Variants in MCM5 observed in about 807,000 individuals in gnomAD.
The protein encoded by MCM5 is minichromosome maintenance complex component 5.
A neutral mutation model predicts 79.9 loss-of-function variants in MCM5; 46 were observed. The observed-to-expected ratio is 0.58, with a 90% CI of 0.45 to 0.74. The LOEUF is 0.74. Ranked by LOEUF, MCM5 falls within the 30% of genes least tolerant of loss-of-function variation. MCM5 has a pLI of 0.00. For synonymous variants in MCM5, 404 were observed against 390.5 expected (o/e 1.03, Z -0.41); for missense variants, 883 against 1,017.0 (o/e 0.87, Z 1.79).
At chr22:35,426,813 C>T (rs1445931401), downstream of MCM5, among the ~76,000 whole-genome samples, 1 of 152,222 alleles carries the variant, frequency 6.6e-6, no homozygotes, top group African/African-American at 2.4e-5. Flanking sequence ...GAGCAGAGGC[C>T]GAGCCTCTGC....
downstream of MCM5, among the ~76,000 whole-genome samples, chr22:35,427,247 G>T (rs1219492538): frequency 6.6e-6 from 1 of 152,120 alleles, no homozygotes; most frequent in East Asian, 1.9e-4. Flanking sequence ...TCCAATTTAG[G>T]TTTCTCTTTA....
At chr22:35,403,139 C>A in intron 2 of MCM5, 68 bp from the exon 3 acceptor site, 1 of 1,586,892 alleles carries the variant, frequency 6.3e-7, no homozygotes, top group South Asian at 1.1e-5. Context: ...TGCAGGCACA[C>A]CTCAGCCAGT....
downstream of MCM5, among the ~76,000 whole-genome samples, chr22:35,427,191 A>C (rs1932783884): frequency 1.3e-5 from 2 of 152,246 alleles, no homozygotes; most frequent in South Asian, 4.1e-4. Flanking sequence ...GTCACAGAGC[A>C]CAGGGACTTA....
At chr22:35,445,479 C>G in the MCM5 span, among the ~76,000 whole-genome samples, 3 of 150,046 alleles carry the variant, frequency 2.0e-5, no homozygotes, top group Non-Finnish European at 4.4e-5. Flanking sequence ...TAGGCATGCA[C>G]CACCACACCC....
intron 2 of MCM5, among the ~76,000 whole-genome samples, chr22:35,402,540 G>A (rs923987044): frequency 1.3e-5 from 2 of 151,476 alleles, no homozygotes; most frequent in Non-Finnish European, 2.9e-5. Context: ...CTCCATGTTG[G>A]TGAGGCTGGT....
At chr22:35,439,213 A>G in the MCM5 span, among the ~76,000 whole-genome samples, 1 of 151,634 alleles carries the variant, frequency 6.6e-6, no homozygotes, top group Non-Finnish European at 1.5e-5. Context: ...CCATCCATTC[A>G]TCCATCCATC....
Position 35,423,197 on chromosome 22 carries a change from C to G in MCM5, c.1976-17C>G, listed in dbSNP as rs1273944171. On this transcript the variant is annotated splice_polypyrimidine_tract_variant and intron_variant, in intron 15 of 16. Transcript: ENST00000216122. Reference sequence around the variant, plus strand: ...TTGTCCCAGCTCCCCGGCTGCCTCACTTCTCCATGCCCACAGGGGTGGAGG... The same window carrying G: ...TTGTCCCAGCTCCCCGGCTGCCTCAGTTCTCCATGCCCACAGGGGTGGAGG... 6.5e-7 allele frequency: 1 copy of G among 1,545,876 alleles called. No homozygotes were observed.
In MCM5 at chr22:35,421,310, C is replaced by T. The variant is rs928199428; in HGVS notation, c.1833-8C>T. On this transcript the variant is annotated splice_polypyrimidine_tract_variant and splice_region_variant and intron_variant, in intron 14 of 16. Coordinates refer to ENST00000216122, the MANE Select transcript of MCM5 (RefSeq NM_006739.4). ...GAGGCTACCCTGAGCACGCTGTTGC[C>T]CCCACAGGCAGCTGGAGGCCATTGT... 1 of 1,611,276 alleles carries T rather than the reference C, an allele frequency of 6.2e-7. No homozygotes were observed. Among genetic ancestry groups the T allele is most frequent in the Non-Finnish European group, 8.5e-7 (1 of 1,178,910 alleles).
the MCM5 span, among the ~76,000 whole-genome samples, chr22:35,453,198 C>T: frequency 6.6e-6 from 1 of 152,238 alleles, no homozygotes; most frequent in Non-Finnish European, 1.5e-5. Context: ...TGCAGACACG[C>T]AGCCTCCCTG....
the MCM5 span, among the ~76,000 whole-genome samples, chr22:35,442,523 TG>T: frequency 6.6e-6 from 1 of 152,180 alleles, no homozygotes; most frequent in South Asian, 2.1e-4. Flanking sequence ...CTGGAAGCTC[TG>T]GGGAGAATCA....
rs766108658 is a variant in MCM5, at chr22:35,412,496, CT to C, written c.920-11del. On this transcript the variant is annotated splice_polypyrimidine_tract_variant and intron_variant, in intron 7 of 16. Coordinates refer to ENST00000216122, the MANE Select transcript of MCM5 (RefSeq NM_006739.4). ...TCCCTTGTACTCACTCATGCGCCTG[CT>C]TTGCCTACCAAGGCCGCAGCTTTGC... 7.9e-6 allele frequency: 12 copies of C among 1,526,300 alleles called. No individual in the cohort carries two copies. Among genetic ancestry groups the C allele is most frequent in the Non-Finnish European group, 1.1e-5 (12 of 1,134,354 alleles). The allele number at this position is 1,526,300 out of a possible 1,614,324, so 94.5% of individuals were successfully genotyped here.
chr22:35,453,541 A>G, the MCM5 span, among the ~76,000 whole-genome samples: 1 of 146,118 alleles, frequency 6.8e-6, no homozygotes, highest in Non-Finnish European at 1.5e-5. Context: ...GGGCAGAGAT[A>G]GAGACAAGGC....
intron 16 of MCM5, 195 bp from the exon 17 acceptor site, chr22:35,423,959 A>G (rs1404018592): frequency 1.8e-6 from 1 of 542,108 alleles, no homozygotes; most frequent in Non-Finnish European, 3.3e-6. Context: ...CTACCTCTTA[A>G]TTGCTGTGAC....
At chr22:35,454,870 C>G in the MCM5 span, among the ~76,000 whole-genome samples, 1 of 152,088 alleles carries the variant, frequency 6.6e-6, no homozygotes. Context: ...CCCCTGGTCT[C>G]CACCCACTAG....
chr22:35,426,365 G>A (rs140127730), downstream of MCM5, among the ~76,000 whole-genome samples: 522 of 152,246 alleles, frequency 3.4e-3, no homozygotes, highest in Non-Finnish European at 5.8e-3. Context: ...GTTGGGGCTC[G>A]GCTTAGTGGA....
chr22:35,422,022 G>C (rs1400672200), intron 15 of MCM5: 1 of 181,924 alleles, frequency 5.5e-6, no homozygotes, highest in African/African-American at 2.4e-5. Flanking sequence ...CCCAGGCACC[G>C]ATCATGAGCC....
the MCM5 span, among the ~76,000 whole-genome samples, chr22:35,435,610 G>T: frequency 4.6e-5 from 7 of 152,222 alleles, no homozygotes; most frequent in Non-Finnish European, 1.0e-4. Context: ...TCCTGCTGCA[G>T]CCTTTGTCCT....
At chr22:35,441,945 A>G in the MCM5 span, among the ~76,000 whole-genome samples, 1 of 152,038 alleles carries the variant, frequency 6.6e-6, no homozygotes, top group South Asian at 2.1e-4. Flanking sequence ...GCCCCTTCCC[A>G]TTGGCCAGCC....
At chr22:35,432,481 T>G in the MCM5 span, among the ~76,000 whole-genome samples, 1 of 152,164 alleles carries the variant, frequency 6.6e-6, no homozygotes. Flanking sequence ...AACGTGCTCC[T>G]TGTCAGTAGA....
Sources: gnomAD v4.1 joint callset for allele counts (sites outside exome capture counted in the v4.1 genomes callset) on GRCh38, gnomAD v4.1.1 for gene constraint, MANE v1.5 for transcripts, NCBI Gene and HGNC (gene_info 2026-07-23, HGNC 2026-07-21) for gene names.